The following ANKRD11 variants were observed in gnomAD, a reference collection of about 807,000 sequenced individuals.
ANKRD11 encodes ankyrin repeat domain 11.
Under a neutral mutation model 195.7 loss-of-function variants are expected in ANKRD11, and 17 were observed. The ratio of observed to expected loss-of-function variants is 0.09; its 90% CI spans 0.06 to 0.13. ANKRD11 has a LOEUF of 0.13. Ranked by LOEUF, ANKRD11 falls within the 10% of genes least tolerant of loss-of-function variation. The probability of loss-of-function intolerance (pLI) is 1.00; values close to 1 mark genes in which losing one functional copy is unlikely to be tolerated. For synonymous variants in ANKRD11, 1,953 were observed against 1,528.1 expected (o/e 1.28, Z -6.49); for missense variants, 3,735 against 3,566.1 (o/e 1.05, Z -1.21).
rs373805397 is a variant in ANKRD11 at position 89,281,078 on chromosome 16, C to T, written c.5464G>A (p.Asp1822Asn). The T allele has an allele frequency of 6.7e-5, 108 of 1,609,044 alleles. No individual in the cohort carries two copies. The East Asian group carries it at 1.1e-3, about 17-fold the overall frequency. Residue 1822 changes from aspartate (D) to asparagine (N), a missense_variant, in exon 9 of 13, where the codon GAC becomes AAC. Asp to Asn is a conservative substitution (Grantham distance 23). Transcript: ENST00000301030. This position sits in a 1 kb window ranked among gnomAD's most constrained non-coding sequence, Gnocchi z 5.5. ...TCCATCGAGGGTGGCATGGGAGAGTCGTAGCTGGAGGCAGCAGGAACGCTC... is the reference window on the plus strand; with the variant it reads ...TCCATCGAGGGTGGCATGGGAGAGTTGTAGCTGGAGGCAGCAGGAACGCTC... Reference protein sequence around the residue: ...QQSVPAASSYDSPMPPSMEDR... With the variant: ...QQSVPAASSYNSPMPPSMEDR...
chr16:89,350,778 C>A (rs1316882396), intron 2 of ANKRD11, among the ~76,000 whole-genome samples: 1 of 152,162 alleles, frequency 6.6e-6, no homozygotes, highest in Non-Finnish European at 1.5e-5. Context: ...TAGTCATGAG[C>A]AACATGATGC....
intron 6 of ANKRD11, chr16:89,288,961 C>T (rs560793458): frequency 1.7e-5 from 9 of 530,788 alleles, no homozygotes; most frequent in Non-Finnish European, 3.1e-5. Flanking sequence ...AATCAGTGAA[C>T]ACACAGTGTA....
At chr16:89,442,288 A>G (rs1242346844) in intron 1 of ANKRD11, among the ~76,000 whole-genome samples, 1 of 152,184 alleles carries the variant, frequency 6.6e-6, no homozygotes, top group African/African-American at 2.4e-5. Context: ...GTATTCTACA[A>G]TCTAACTCTA....
intron 2 of ANKRD11, among the ~76,000 whole-genome samples, chr16:89,413,511 G>C (rs1457432282): frequency 1.3e-5 from 2 of 152,194 alleles, no homozygotes; most frequent in African/African-American, 4.8e-5. Context: ...TATAGTCCCA[G>C]CTACTTGGGA....
intron 1 of ANKRD11, among the ~76,000 whole-genome samples, chr16:89,446,358 C>G (rs2043792021): frequency 6.6e-6 from 1 of 152,204 alleles, no homozygotes; most frequent in South Asian, 2.1e-4. Context: ...AATCCCAGCA[C>G]TTTGGGAGGC....
intron 3 of ANKRD11, among the ~76,000 whole-genome samples, chr16:89,314,841 T>C (rs1431059663): frequency 1.3e-5 from 2 of 152,102 alleles, no homozygotes; most frequent in African/African-American, 4.8e-5. Flanking sequence ...ACCCTTACCC[T>C]AAAACCTGCG....
In ANKRD11 at chr16:89,394,629, C is replaced by CA. The variant is rs36087767; in HGVS notation, c.-60+23654dup. Among the ~76,000 whole-genome samples the CA allele has an allele frequency of 2.9e-3, 401 of 140,226 alleles. 2 individuals carry two copies. The highest frequency in any genetic ancestry group is 7.5e-3 in the African/African-American group (284 of 37,942). The allele number at this position is 140,226 out of a possible 152,430, so 92.0% of individuals were successfully genotyped here. A position where few individuals can be genotyped will look rare whatever the true frequency, so the allele number is the denominator to read the frequency against. On this transcript the variant is annotated intron_variant, in intron 2 of 12. Coordinates refer to ENST00000301030, the MANE Select transcript of ANKRD11 (RefSeq NM_013275.6). ...GGCGACAAAAGCAAAACTCTGTCTCCAAAAAAAAAAAAACAAACAACCTTT... is the reference window on the plus strand; with the variant it reads ...GGCGACAAAAGCAAAACTCTGTCTCCAAAAAAAAAAAAAACAAACAACCTTT...
intron 2 of ANKRD11, among the ~76,000 whole-genome samples, chr16:89,376,717 G>A (rs1181541334): frequency 6.6e-6 from 1 of 152,202 alleles, no homozygotes; most frequent in Non-Finnish European, 1.5e-5. Flanking sequence ...GGGATTACAG[G>A]CGTGCGCCAC....
chr16:89,357,299 G>A (rs1047277867), intron 2 of ANKRD11, among the ~76,000 whole-genome samples: 2 of 152,184 alleles, frequency 1.3e-5, no homozygotes, highest in African/African-American at 4.8e-5. Flanking sequence ...AGGGCAGTCA[G>A]GGACTGTGCT....
At chr16:89,268,915 C>CG in intron 12 of ANKRD11, among the ~76,000 whole-genome samples, 1 of 152,338 alleles carries the variant, frequency 6.6e-6, no homozygotes, top group Admixed American at 6.5e-5. Flanking sequence ...CACCCTGGCC[C>CG]GGGGGCCCTG....
In ANKRD11 at chr16:89,280,491, GGCGGGGTACGGC is replaced by G; in HGVS notation, c.6039_6050del (p.Tyr2015_Pro2018del). The G allele has an allele frequency of 6.3e-7, 1 of 1,585,466 alleles. No individual in the cohort carries two copies. The highest frequency in any genetic ancestry group is 2.3e-5 in the East Asian group (1 of 43,288). ...CGTACGGGGCAGGAGAGGCGGGAGGGGCGGGGTACGGCGCCTCCGAGGCGCTGAAGGGCCCTG... is the reference window on the plus strand; with the variant it reads ...CGTACGGGGCAGGAGAGGCGGGAGGGGCCTCCGAGGCGCTGAAGGGCCCTG... On this transcript the variant is annotated inframe_deletion, in exon 9 of 13. Coordinates refer to ENST00000301030, the MANE Select transcript of ANKRD11 (RefSeq NM_013275.6).
intron 1 of ANKRD11, among the ~76,000 whole-genome samples, chr16:89,486,244 G>A (rs1467809443): frequency 6.6e-6 from 1 of 152,022 alleles, no homozygotes; most frequent in Non-Finnish European, 1.5e-5. Flanking sequence ...AGAAGGCTGA[G>A]GCCTACACAA....
rs770209899 is a variant in ANKRD11, at chr16:89,279,830, T to C, written c.6712A>G (p.Ser2238Gly). 467 of 1,546,472 alleles carry C rather than the reference T, an allele frequency of 3.0e-4. No homozygotes were observed. The highest frequency in any genetic ancestry group is 4.3e-4 in the Admixed American group (22 of 51,208). ...GGGGGAACGGGCGCGGGCTCCACGC[T>C]GGAGTCCGGATCCCCACGGGCCCTC... ...EERARGDPDSSVEPAPVPPEQ... is the reference protein window; with the variant it reads ...EERARGDPDSGVEPAPVPPEQ... Residue 2238 changes from serine to glycine, a missense_variant, in exon 9 of 13, where the codon AGC (serine) becomes GGC (glycine). Coordinates refer to ENST00000301030, the MANE Select transcript of ANKRD11 (RefSeq NM_013275.6). The surrounding 1 kb of genome is among the most constrained non-coding windows in gnomAD (Gnocchi z 5.6).
intron 2 of ANKRD11, among the ~76,000 whole-genome samples, chr16:89,338,183 G>A (rs1171787648): frequency 2.6e-5 from 4 of 152,104 alleles, no homozygotes; most frequent in African/African-American, 4.8e-5. Flanking sequence ...GCCCCGAGAC[G>A]CACTCTCACT....
At chr16:89,292,227 T>C (rs2035106158) in intron 4 of ANKRD11, among the ~76,000 whole-genome samples, 1 of 152,172 alleles carries the variant, frequency 6.6e-6, no homozygotes, top group Non-Finnish European at 1.5e-5. Context: ...CTCCCTTCCC[T>C]TCCATTCAGC....
intron 2 of ANKRD11, among the ~76,000 whole-genome samples, chr16:89,334,350 G>A (rs2038236897): frequency 6.6e-6 from 1 of 151,856 alleles, no homozygotes; most frequent in East Asian, 1.9e-4. Context: ...ACATGTGAGG[G>A]TACCCCAAGA....
intron 1 of ANKRD11, among the ~76,000 whole-genome samples, chr16:89,451,411 C>CTTTT (rs66712285): frequency 0.014 from 1,818 of 130,106 alleles, 54 homozygotes; most frequent in Admixed American, 0.027. Context: ...TCACAAATTA[C>CTTTT]TTTTTTTTTT....
chr16:89,324,096 G>A lies in ANKRD11; in HGVS notation c.-59-7018C>T, dbSNP rs188641423. 5.3e-4 allele frequency: 206 copies of A among 392,022 alleles called. 1 individual carries two copies. The highest frequency in any genetic ancestry group is 4.1e-3 in the African/African-American group (186 of 45,838). 24.3% of individuals were successfully genotyped at this position (392,022 alleles called of 1,614,324 possible). A position where few individuals can be genotyped will look rare whatever the true frequency, so the allele number is the denominator to read the frequency against. ...CCATCTCTTGACCTCATGATCTGCCGGCCTCGGCCTCCCAAAGTGCCCCAC... is the reference window on the plus strand; with the variant it reads ...CCATCTCTTGACCTCATGATCTGCCAGCCTCGGCCTCCCAAAGTGCCCCAC... On this transcript the variant is annotated intron_variant, in intron 2 of 12. Transcript: ENST00000301030.
At chr16:89,436,489 C>G (rs929658717) in intron 1 of ANKRD11, among the ~76,000 whole-genome samples, 1 of 152,098 alleles carries the variant, frequency 6.6e-6, no homozygotes, top group Non-Finnish European at 1.5e-5. Context: ...GAAAAGACCA[C>G]TGTCTCTAAC....
Sources: allele counts gnomAD v4.1 joint callset (sites outside exome capture counted in the v4.1 genomes callset), GRCh38; gene constraint gnomAD v4.1.1; non-coding constraint Gnocchi (gnomAD v3.1); transcripts MANE v1.5; gene names NCBI Gene and HGNC (gene_info 2026-07-23, HGNC 2026-07-21).